The following MCCC1 variants were observed in gnomAD, a reference collection of about 807,000 sequenced individuals.
MCCC1 encodes the protein methylcrotonyl-CoA carboxylase subunit 1.
MCCC1 carries 64 observed loss-of-function variants against 83.8 expected under a neutral mutation model. That is an observed-to-expected ratio of 0.76 (90% confidence interval 0.62 to 0.94). The LOEUF is 0.94. Ranked by LOEUF, MCCC1 falls within the 40% of genes least tolerant of loss-of-function variation. The pLI is 0.00. For synonymous variants in MCCC1, 322 were observed against 315.4 expected (o/e 1.02, Z -0.22); for missense variants, 807 against 904.7 (o/e 0.89, Z 1.39).
intron 10 of MCCC1, 53 bp downstream of exon 10, chr3:183,045,360 T>G (rs1449993845): frequency 1.2e-6 from 2 of 1,607,542 alleles, no homozygotes; most frequent in Non-Finnish European, 1.7e-6. Flanking sequence ...GACTACAGGC[T>G]TGAGCCACCG....
intron 5 of MCCC1, among the ~76,000 whole-genome samples, chr3:183,071,565 T>A (rs902855948): frequency 6.6e-6 from 1 of 152,182 alleles, no homozygotes; most frequent in African/African-American, 2.4e-5. Flanking sequence ...TATTTTTTAA[T>A]CCCAAAATAC....
chr3:183,025,442 T>C (rs1712513834), intron 15 of MCCC1, among the ~76,000 whole-genome samples: 1 of 152,202 alleles, frequency 6.6e-6, no homozygotes, highest in South Asian at 2.1e-4. Context: ...AGACAAAAAA[T>C]GTGAAAACTG....
chr3:183,061,384 A>G (rs1604586), intron 7 of MCCC1, among the ~76,000 whole-genome samples: 28,022 of 152,148 alleles, frequency 0.18, 3,002 homozygotes, highest in East Asian at 0.43. Context: ...TGTTAGGGAG[A>G]ATAGAATGCT....
At chr3:183,028,005 G>A (rs1203238207) in intron 14 of MCCC1, among the ~76,000 whole-genome samples, 1 of 152,204 alleles carries the variant, frequency 6.6e-6, no homozygotes, top group Non-Finnish European at 1.5e-5. Flanking sequence ...TTTGGAGGAA[G>A]ATGCCATCTA....
At chr3:183,016,236 G>C (rs1386414863) in intron 18 of MCCC1, 1 of 129,856 alleles carries the variant, frequency 7.7e-6, no homozygotes, top group East Asian at 2.4e-4. Context: ...CTTGTTGTTT[G>C]TTTTTTTAAA....
chr3:183,043,825 T>C (rs1394207824), intron 10 of MCCC1, among the ~76,000 whole-genome samples: 2 of 152,344 alleles, frequency 1.3e-5, no homozygotes, highest in East Asian at 1.9e-4. Context: ...AGAAACCTTT[T>C]TTTCTCTTAT....
intron 4 of MCCC1, among the ~76,000 whole-genome samples, chr3:183,080,106 A>C (rs1348685118): frequency 6.6e-6 from 1 of 152,154 alleles, no homozygotes; most frequent in Non-Finnish European, 1.5e-5. Context: ...CATGCCCTGG[A>C]GACATTTTCC....
chr3:183,054,041 C>T (rs1202429039), intron 8 of MCCC1, among the ~76,000 whole-genome samples: 1 of 149,658 alleles, frequency 6.7e-6, no homozygotes, highest in Non-Finnish European at 1.5e-5. Flanking sequence ...GCCACCACAT[C>T]CAGATAATTT....
intron 3 of MCCC1, among the ~76,000 whole-genome samples, chr3:183,088,604 C>T (rs1175238332): frequency 6.6e-6 from 1 of 152,234 alleles, no homozygotes; most frequent in Admixed American, 6.5e-5. Context: ...GTACTCCCCC[C>T]ATTGCAGTCT....
chr3:183,111,378 C>G (rs939144340), intron 1 of MCCC1, among the ~76,000 whole-genome samples: 24 of 152,156 alleles, frequency 1.6e-4, no homozygotes, highest in Non-Finnish European at 5.9e-5. Flanking sequence ...CAGTTCACTG[C>G]AACCTCTGCC....
chr3:183,077,263 G>A (rs761510772), intron 4 of MCCC1, among the ~76,000 whole-genome samples: 2 of 152,150 alleles, frequency 1.3e-5, no homozygotes, highest in African/African-American at 2.4e-5. Flanking sequence ...TGAAGAAGTA[G>A]AGTTACTAGT....
At chr3:183,089,169 C>T (rs774222790) in intron 3 of MCCC1, among the ~76,000 whole-genome samples, 2 of 152,230 alleles carry the variant, frequency 1.3e-5, no homozygotes, top group African/African-American at 2.4e-5. Context: ...CCACCTTTTA[C>T]ATTACTGATA....
intron 13 of MCCC1, among the ~76,000 whole-genome samples, chr3:183,036,466 C>T (rs1713599680): frequency 6.8e-6 from 1 of 146,484 alleles, no homozygotes; most frequent in South Asian, 2.2e-4. Context: ...GAGTGGCGAA[C>T]AAAAGAAGTG....
rs771532252 is a variant in MCCC1, at chr3:183,045,464, A to G, written c.1032T>C (p.His344=). 1 of 1,614,054 alleles carries G rather than the reference A, an allele frequency of 6.2e-7. No individual in the cohort carries two copies. Among genetic ancestry groups the G allele is most frequent in the African/African-American group, 1.3e-5 (1 of 74,932 alleles). ...MEMNTRLQVE[H]PVTEMITGTD... is the part of the protein sequence containing the mutation. ...TTCCTGTGATCATCTCAGTAACAGG[A>G]TGTTCCACTTGCAGCCTTGTATTCA... Residue 344 remains histidine (H), a synonymous_variant, in exon 10 of 19, where the codon CAT becomes CAC. Coordinates refer to ENST00000265594, the MANE Select transcript of MCCC1 (RefSeq NM_020166.5).
At chr3:183,113,727 A>T (rs1199626824) in intron 1 of MCCC1, among the ~76,000 whole-genome samples, 1 of 152,070 alleles carries the variant, frequency 6.6e-6, no homozygotes, top group South Asian at 2.1e-4. Context: ...AAAAATTTAA[A>T]AAAAGGGTCC....
intron 14 of MCCC1, chr3:183,029,250 A>G (rs561303694): frequency 6.6e-6 from 1 of 152,326 alleles, no homozygotes; most frequent in African/African-American, 2.4e-5. Flanking sequence ...CTGATACTTC[A>G]ATGATCATTT....
chr3:183,024,127 G>A (rs1712387250), intron 15 of MCCC1, among the ~76,000 whole-genome samples: 1 of 152,102 alleles, frequency 6.6e-6, no homozygotes, highest in Non-Finnish European at 1.5e-5. Context: ...GTGCATGCCT[G>A]TAATCCCAGT....
intron 14 of MCCC1, among the ~76,000 whole-genome samples, chr3:183,029,579 C>T (rs1273724882): frequency 1.3e-5 from 2 of 152,202 alleles, no homozygotes; most frequent in African/African-American, 4.8e-5. Flanking sequence ...AACATGGCCT[C>T]TAGTAGCAGA....
intron 10 of MCCC1, among the ~76,000 whole-genome samples, chr3:183,044,997 G>C (rs935447263): frequency 6.6e-6 from 1 of 151,916 alleles, no homozygotes; most frequent in African/African-American, 2.4e-5. Context: ...CATAATGCTG[G>C]GATTTGGGCT....
Sources: gnomAD v4.1 joint callset for allele counts (sites outside exome capture counted in the v4.1 genomes callset) on GRCh38, gnomAD v4.1.1 for gene constraint, MANE v1.5 for transcripts, NCBI Gene and HGNC (gene_info 2026-07-23, HGNC 2026-07-21) for gene names.